Variants in MED23 observed in about 807,000 individuals in gnomAD.
MED23 encodes mediator complex subunit 23, also known as mediator of RNA polymerase II transcription subunit 23.
A neutral mutation model predicts 163.9 loss-of-function variants in MED23; 105 were observed. The observed-to-expected ratio is 0.64, with a 90% CI of 0.55 to 0.75. MED23 has a LOEUF of 0.75. MED23 is among the 30% of genes least tolerant of loss of function. MED23 has a pLI of 0.00. For missense variants in MED23, 1,054 were observed against 1,649.0 expected (o/e 0.64, Z 6.25); for synonymous variants, 561 against 565.6 (o/e 0.99, Z 0.12).
At chr6:131,574,187 A>G in exon 31 of MED23, 1 of 1,307,728 alleles carries the variant, frequency 7.6e-7, no homozygotes, top group Non-Finnish European at 1.1e-6. Context: ...AAACAAGACA[A>G]TGTATGAGTT....
At chr6:131,611,089 T>C (rs1362830431) in intron 10 of MED23, among the ~76,000 whole-genome samples, 1 of 152,206 alleles carries the variant, frequency 6.6e-6, no homozygotes, top group East Asian at 1.9e-4. Context: ...TTTATAAATA[T>C]GTTATATGAC....
intron 6 of MED23, 59 bp downstream of exon 6, chr6:131,621,822 T>C (rs1777127570): frequency 4.2e-6 from 5 of 1,204,568 alleles, no homozygotes; most frequent in Non-Finnish European, 5.9e-6. Flanking sequence ...AGCACAGACC[T>C]AAACAAAGCT....
In MED23 at chr6:131,618,527, T is replaced by C; in HGVS notation, c.668-8A>G. ...GCAGAAGACTACAGCGACCTGTATG[T>C]ATTACAAAAATGTTTTTAAGTAAAT... On this transcript the variant is annotated splice_polypyrimidine_tract_variant and splice_region_variant and intron_variant, in intron 8 of 28. Transcript: ENST00000368068. 3 of 1,593,104 alleles carry C rather than the reference T, an allele frequency of 1.9e-6. No homozygotes were observed. In the South Asian group the frequency reaches 3.3e-5, roughly 18 times the overall value.
At chr6:131,583,145 C>T (rs757518422), downstream of MED23, 4 of 1,613,742 alleles carry the variant, frequency 2.5e-6, no homozygotes, top group Non-Finnish European at 3.4e-6. Context: ...GGAAGAAACA[C>T]TCAGCTATCT....
At position 131,627,302 on chromosome 6, in the gene MED23, A is replaced by G. The variant is rs928436283; in HGVS notation, c.159+94T>C. On this transcript the variant is annotated intron_variant, in intron 3 of 28. Coordinates refer to ENST00000368068, the MANE Select transcript of MED23 (RefSeq NM_004830.4). ...TTTCTCCCTTCTCAGGAAGATCTTA[A>G]GAGCAGCATGAAAGTAAATGTTAAA... 4 of 889,594 alleles carry G rather than the reference A, an allele frequency of 4.5e-6. No individual in the cohort carries two copies. In the African/African-American group the frequency reaches 6.9e-5, roughly 15 times the overall value. 55.1% of individuals were successfully genotyped at this position (889,594 alleles called of 1,614,324 possible). A position where few individuals can be genotyped will look rare whatever the true frequency, so the allele number is the denominator to read the frequency against.
chr6:131,593,006 C>A lies in MED23; in HGVS notation c.3398G>T (p.Ser1133Ile), dbSNP rs1316108340. The change falls in exon 24 of 29, where the codon AGT becomes ATT. Residue 1133 changes from serine (S) to isoleucine (I), a missense_variant and splice_region_variant. Coordinates refer to ENST00000368068, the MANE Select transcript of MED23 (RefSeq NM_004830.4). ...TTACTGCATGAACCAGAATACATAC[C>A]TTTTTAGGACAACATTTAGAAGGGC... ...GNALLNVVLKSQPLVPRENIT... is the reference protein window; with the variant it reads ...GNALLNVVLKIQPLVPRENIT... The A allele has an allele frequency of 6.2e-7, 1 of 1,614,098 alleles. No homozygotes were observed. Among genetic ancestry groups the A allele is most frequent in the Non-Finnish European group, 8.5e-7 (1 of 1,179,988 alleles).
In MED23 at chr6:131,610,201, C is replaced by T. The variant is rs1354603424; in HGVS notation, c.922G>A (p.Val308Ile). 4.3e-6 allele frequency: 7 copies of T among 1,613,892 alleles called. No individual in the cohort carries two copies. The highest frequency in any genetic ancestry group is 5.9e-6 in the Non-Finnish European group (7 of 1,179,934). ...TCAGATCGCTCCATGGCATAAACAA[C>T]CAGATCCACCAACTGGTCCTCCAGC... ...PVLEDQLVDL[V>I]VYAMERSETE... Residue 308 changes from valine to isoleucine, a missense_variant, in exon 11 of 29, where the codon GTT (valine) becomes ATT (isoleucine). Coordinates refer to ENST00000368068, the MANE Select transcript of MED23 (RefSeq NM_004830.4).
Position 131,598,234 on chromosome 6 carries a change from T to G in MED23, c.2607+53A>C. The G allele has an allele frequency of 6.7e-7, 1 of 1,503,190 alleles. No individual in the cohort carries two copies. The highest frequency in any genetic ancestry group is 1.1e-5 in the South Asian group (1 of 88,540). The allele number at this position is 1,503,190 out of a possible 1,614,324, so 93.1% of individuals were successfully genotyped here. On this transcript the variant is annotated intron_variant, in intron 20 of 28. Transcript: ENST00000368068. The surrounding 1 kb of genome is among the most constrained non-coding windows in gnomAD (Gnocchi z 4.7). Reference sequence around the variant, plus strand: ...TAGAGCAGATTGGCATAACATATATTAGTCATACATCTTGATCTAAGAGAA... The same window carrying G: ...TAGAGCAGATTGGCATAACATATATGAGTCATACATCTTGATCTAAGAGAA...
At chr6:131,626,608 G>A (rs774806347) in intron 3 of MED23, among the ~76,000 whole-genome samples, 1 of 152,112 alleles carries the variant, frequency 6.6e-6, no homozygotes, top group African/African-American at 2.4e-5. Context: ...GCTACAGACA[G>A]AAAAAATAAC....
Position 131,623,569 on chromosome 6 carries a change from T to C in MED23, c.285-107A>G, listed in dbSNP as rs1447193276. The C allele has an allele frequency of 1.2e-5, 10 of 869,168 alleles. No homozygotes were observed. In the East Asian group the frequency reaches 2.2e-4, roughly 19 times the overall value. 53.8% of individuals were successfully genotyped at this position (869,168 alleles called of 1,614,324 possible). A position where few individuals can be genotyped will look rare whatever the true frequency, so the allele number is the denominator to read the frequency against. ...GTACTCACACAAATCTCATCTTGAA[T>C]TGTAGTTCCCATAATCCCCACGTGT... On this transcript the variant is annotated intron_variant, in intron 4 of 28. Coordinates refer to ENST00000368068, the MANE Select transcript of MED23 (RefSeq NM_004830.4).
At chr6:131,581,444 G>A (rs1305892728) in intron 30 of MED23, 1 of 1,499,402 alleles carries the variant, frequency 6.7e-7, no homozygotes, top group Non-Finnish European at 9.1e-7. Context: ...GAGGTGGAAG[G>A]GAAATGAGAA....
intron 30 of MED23, among the ~76,000 whole-genome samples, chr6:131,578,095 A>T (rs1585407645): frequency 6.6e-6 from 1 of 151,970 alleles, no homozygotes; most frequent in African/African-American, 2.4e-5. Context: ...AATTACCTCT[A>T]AAGGGGCAGG....
Position 131,600,065 on chromosome 6 carries a change from G to C in MED23, c.2193C>G (p.Thr731=), listed in dbSNP as rs981867855. The C allele has an allele frequency of 2.5e-6, 4 of 1,613,832 alleles. No individual in the cohort carries two copies. The highest frequency in any genetic ancestry group is 3.4e-6 in the Non-Finnish European group (4 of 1,179,980). The change falls in exon 18 of 29, where the codon ACC becomes ACG. Residue 731 remains threonine (T), a synonymous_variant. Transcript: ENST00000368068. The part of the protein sequence containing the change: ...SFTPHNWASH[T]LSCFPGPLQA... ...GTAGTGGGCCTGGAAAACAGCTCAG[G>C]GTGTGTGAAGCCCAATTATGAGGAG... is the stretch of plus-strand genomic sequence containing the variant.
At chr6:131,617,324 T>A (rs1776762563) in intron 9 of MED23, among the ~76,000 whole-genome samples, 1 of 151,456 alleles carries the variant, frequency 6.6e-6, no homozygotes, top group Non-Finnish European at 1.5e-5. Context: ...TGGATTTTTT[T>A]AAATGTCCCC....
intron 10 of MED23, among the ~76,000 whole-genome samples, chr6:131,612,352 T>A (rs1199699303): frequency 1.3e-5 from 2 of 151,984 alleles, no homozygotes; most frequent in Non-Finnish European, 2.9e-5. Flanking sequence ...ATAAACTGCT[T>A]TAGTTTTCAA....
Position 131,580,758 on chromosome 6 carries a change from A to AAG in MED23, c.4096-6465_4096-6464dup, listed in dbSNP as rs78425250. Reference sequence around the variant, plus strand: ...TCTGAGTGATGCTCTCAAATTATAAAAGCTGGATTTTAAGAAAAATTGAAA... The same window carrying AAG: ...TCTGAGTGATGCTCTCAAATTATAAAAGAGCTGGATTTTAAGAAAAATTGAAA... On this transcript the variant is annotated intron_variant, in intron 30 of 30. Transcript: ENST00000354577. Among the ~76,000 whole-genome samples the AAG allele has an allele frequency of 0.17, 25,372 of 152,068 alleles. 2,730 individuals are homozygous for AAG. Among genetic ancestry groups the AAG allele is most frequent in the African/African-American group, 0.3 (12,469 of 41,426 alleles).
chr6:131,607,439 G>C (rs1375868878), intron 12 of MED23, among the ~76,000 whole-genome samples: 1 of 151,962 alleles, frequency 6.6e-6, no homozygotes, highest in Non-Finnish European at 1.5e-5. Context: ...CAGCTACTCG[G>C]GAGGCTGAGG....
At chr6:131,627,728 C>T (rs966529291) in intron 1 of MED23, 56 bp from the exon 2 acceptor site, 257 of 1,514,840 alleles carry the variant, frequency 1.7e-4, no homozygotes, top group Non-Finnish European at 1.8e-4. Context: ...AAGGCGCCTC[C>T]CTTAGCCAAG....
intron 30 of MED23, chr6:131,576,844 G>A (rs994369097): frequency 1.4e-5 from 14 of 990,838 alleles, no homozygotes; most frequent in South Asian, 1.2e-4. Flanking sequence ...TCAGAATTGC[G>A]GTACTGGTTA....
Sources: gnomAD v4.1 joint callset for allele counts (sites outside exome capture counted in the v4.1 genomes callset) on GRCh38, gnomAD v4.1.1 for gene constraint, Gnocchi (gnomAD v3.1) non-coding constraint, MANE v1.5 for transcripts, NCBI Gene and HGNC (gene_info 2026-07-23, HGNC 2026-07-21) for gene names.